RPS6KC1: variants seen among roughly 807,000 people sequenced by gnomAD.
RPS6KC1 encodes the protein inactive ribosomal protein S6 kinase delta-1.
In RPS6KC1, 54 loss-of-function variants were observed where a neutral mutation model predicts 103.8. That is an observed-to-expected ratio of 0.52 (90% CI 0.42 to 0.65). The LOEUF is 0.65. Ranked by LOEUF, RPS6KC1 falls within the 30% of genes least tolerant of loss-of-function variation. The pLI, the probability that RPS6KC1 is intolerant of heterozygous loss-of-function variation, is 0.00. For synonymous variants in RPS6KC1, 439 were observed against 438.7 expected (o/e 1.00, Z -0.01); for missense variants, 1,151 against 1,253.8 (o/e 0.92, Z 1.24).
the RPS6KC1 span, among the ~76,000 whole-genome samples, chr1:213,689,984 A>G: frequency 6.6e-6 from 1 of 152,090 alleles, no homozygotes; most frequent in African/African-American, 2.4e-5. Context: ...CTCCAGCTCC[A>G]CATTTCCAAG....
chr1:213,703,763 C>T, the RPS6KC1 span, among the ~76,000 whole-genome samples: 2 of 152,146 alleles, frequency 1.3e-5, no homozygotes, highest in East Asian at 3.9e-4. Flanking sequence ...TTTCTTTATC[C>T]TTTACTTTGG....
intron 4 of RPS6KC1, among the ~76,000 whole-genome samples, chr1:213,115,222 A>C (rs1179603697): frequency 2.0e-5 from 3 of 152,046 alleles, no homozygotes; most frequent in Non-Finnish European, 4.4e-5. Context: ...TTATTGCCAC[A>C]ATTTCAGATC....
chr1:213,656,203 C>G, the RPS6KC1 span, among the ~76,000 whole-genome samples: 1 of 152,154 alleles, frequency 6.6e-6, no homozygotes, highest in Non-Finnish European at 1.5e-5. Flanking sequence ...TATGTGCAGC[C>G]AGGCTGGATG....
At chr1:213,388,676 C>T in the RPS6KC1 span, among the ~76,000 whole-genome samples, 2 of 152,172 alleles carry the variant, frequency 1.3e-5, no homozygotes, top group African/African-American at 2.4e-5. Flanking sequence ...TTATCTCCCT[C>T]GCTGGGACCC....
chr1:213,291,490 T>C, the RPS6KC1 span, among the ~76,000 whole-genome samples: 2 of 152,386 alleles, frequency 1.3e-5, no homozygotes, highest in East Asian at 3.9e-4. Context: ...CCTTAAAGAC[T>C]GTGACTGCAC....
At chr1:213,261,891 A>G (rs918465269) in intron 13 of RPS6KC1, among the ~76,000 whole-genome samples, 1 of 152,188 alleles carries the variant, frequency 6.6e-6, no homozygotes, top group African/African-American at 2.4e-5. Context: ...ATATGACTAA[A>G]ACTTTTTTCT....
At chr1:213,743,266 C>T in the RPS6KC1 span, among the ~76,000 whole-genome samples, 180 of 152,240 alleles carry the variant, frequency 1.2e-3, 1 homozygote, top group South Asian at 8.1e-3. Flanking sequence ...AGCCATTATC[C>T]TAAGCAAATT....
At chr1:213,268,557 T>G (rs1558665727) in intron 14 of RPS6KC1, among the ~76,000 whole-genome samples, 1 of 147,798 alleles carries the variant, frequency 6.8e-6, no homozygotes, top group East Asian at 1.9e-4. Flanking sequence ...TATATATAAT[T>G]TATTTATATA....
the RPS6KC1 span, among the ~76,000 whole-genome samples, chr1:213,451,132 A>T: frequency 9.8e-5 from 15 of 152,324 alleles, no homozygotes; most frequent in South Asian, 2.7e-3. Context: ...TTCTAATGGG[A>T]TGATAGCCCA....
chr1:213,292,704 A>C, the RPS6KC1 span, among the ~76,000 whole-genome samples: 1 of 152,210 alleles, frequency 6.6e-6, no homozygotes, highest in African/African-American at 2.4e-5. Flanking sequence ...TGATTTTCTA[A>C]AAGGAAGTGG....
chr1:213,208,291 T>G (rs1321722515), intron 8 of RPS6KC1, among the ~76,000 whole-genome samples: 1 of 152,196 alleles, frequency 6.6e-6, no homozygotes, highest in Non-Finnish European at 1.5e-5. Flanking sequence ...AGCTCTCCTC[T>G]TTATACTTCC....
intron 6 of RPS6KC1, among the ~76,000 whole-genome samples, chr1:213,145,967 G>GTTTTTTTTTTTTTTTTTT (rs71573864): frequency 3.3e-4 from 16 of 47,834 alleles, no homozygotes; most frequent in African/African-American, 3.9e-4. Flanking sequence ...CATTCATTCT[G>GTTTTTTTTTTTTTTTTTT]TTTTTTTTTT....
chr1:213,828,091 C>T, the RPS6KC1 span, among the ~76,000 whole-genome samples: 1 of 152,150 alleles, frequency 6.6e-6, no homozygotes, highest in South Asian at 2.1e-4. Context: ...GGATCAGAGT[C>T]ATCAAACGCT....
chr1:213,387,256 A>C, the RPS6KC1 span, among the ~76,000 whole-genome samples: 1 of 152,218 alleles, frequency 6.6e-6, no homozygotes, highest in Non-Finnish European at 1.5e-5. Context: ...ATTTGAGGGA[A>C]TCTTAGGGCA....
chr1:213,633,874 C>CAAAAAAAAAAAAAAAAAA, the RPS6KC1 span, among the ~76,000 whole-genome samples: 1 of 8,278 alleles, frequency 1.2e-4, no homozygotes, highest in Non-Finnish European at 2.1e-4. Context: ...AAATGGAAAG[C>CAAAAAAAAAAAAAAAAAA]AAAAAAAAAA....
intron 1 of RPS6KC1, among the ~76,000 whole-genome samples, chr1:213,052,566 G>A (rs1219811105): frequency 6.6e-6 from 1 of 151,622 alleles, no homozygotes; most frequent in Non-Finnish European, 1.5e-5. Context: ...TTGAGACGGA[G>A]TTTCGCTCTT....
chr1:213,763,420 G>A, the RPS6KC1 span, among the ~76,000 whole-genome samples: 2 of 152,258 alleles, frequency 1.3e-5, no homozygotes, highest in East Asian at 3.9e-4. Flanking sequence ...CCCAAGGCAG[G>A]TGCTACAGAA....
chr1:213,554,164 C>A, the RPS6KC1 span, among the ~76,000 whole-genome samples: 9 of 152,128 alleles, frequency 5.9e-5, no homozygotes, highest in Non-Finnish European at 1.2e-4. Flanking sequence ...TTAGGTTTGA[C>A]ATTTAAGTCT....
chr1:213,253,476 G>C (rs781462709), intron 12 of RPS6KC1, among the ~76,000 whole-genome samples: 2 of 152,130 alleles, frequency 1.3e-5, no homozygotes, highest in African/African-American at 4.8e-5. Flanking sequence ...AATGCAAGAT[G>C]GTTCATGTTT....
Sources: allele counts gnomAD v4.1 joint callset (sites outside exome capture counted in the v4.1 genomes callset), GRCh38; gene constraint gnomAD v4.1.1; transcripts MANE v1.5; gene names NCBI Gene and HGNC (gene_info 2026-07-23, HGNC 2026-07-21).